The following LUZP2 variants were observed in gnomAD, a reference collection of about 807,000 sequenced individuals.
LUZP2 encodes leucine zipper protein 2.
A neutral mutation model predicts 51.6 loss-of-function variants in LUZP2; 52 were observed. That is an observed-to-expected ratio of 1.01 (90% CI 0.81 to 1.27). The LOEUF is 1.27. Among genes scored for constraint, LUZP2 ranks in the 50% most tolerant of loss-of-function variants. The pLI is 0.00. For synonymous variants in LUZP2, 154 were observed against 137.3 expected (o/e 1.12, Z -0.85); for missense variants, 436 against 395.4 (o/e 1.10, Z -0.87).
At chr11:25,020,933 AT>A (rs1345584586) in intron 9 of LUZP2, among the ~76,000 whole-genome samples, 4 of 152,024 alleles carry the variant, frequency 2.6e-5, no homozygotes, top group Non-Finnish European at 4.4e-5. Flanking sequence ...ATGAAGGGGC[AT>A]TCTGAGTACA....
At chr11:25,059,269 G>A (rs1022284872) in intron 10 of LUZP2, among the ~76,000 whole-genome samples, 6 of 152,122 alleles carry the variant, frequency 3.9e-5, no homozygotes, top group African/African-American at 1.2e-4. Flanking sequence ...CAAGATCAGC[G>A]ATACAAAGTA....
chr11:24,905,342 T>A (rs1023810604), intron 5 of LUZP2, among the ~76,000 whole-genome samples: 1 of 152,166 alleles, frequency 6.6e-6, no homozygotes, highest in African/African-American at 2.4e-5. Context: ...CTGGCCAACA[T>A]GGCGAAACCT....
intron 1 of LUZP2, among the ~76,000 whole-genome samples, chr11:24,685,120 A>T (rs779042619): frequency 6.6e-6 from 1 of 151,400 alleles, no homozygotes; most frequent in African/African-American, 2.4e-5. Context: ...TGGGTCACTA[A>T]TTGGCTGCCT....
chr11:24,926,375 G>A (rs1381944884), intron 7 of LUZP2, among the ~76,000 whole-genome samples: 2 of 43,586 alleles, frequency 4.6e-5, no homozygotes, highest in East Asian at 2.0e-3. Flanking sequence ...ATATATATAC[G>A]TGTGTATATA....
At chr11:24,860,381 A>G (rs945282840) in intron 5 of LUZP2, among the ~76,000 whole-genome samples, 1 of 152,162 alleles carries the variant, frequency 6.6e-6, no homozygotes, top group African/African-American at 2.4e-5. Context: ...GTTCTGAGGA[A>G]TCTGGGCAGC....
intron 1 of LUZP2, among the ~76,000 whole-genome samples, chr11:24,709,644 C>T (rs1169053578): frequency 6.6e-6 from 1 of 152,104 alleles, no homozygotes; most frequent in Non-Finnish European, 1.5e-5. Context: ...TGGATATAAA[C>T]TTTATTTGCT....
At chr11:25,032,901 C>A (rs1366166029) in intron 9 of LUZP2, among the ~76,000 whole-genome samples, 1 of 152,084 alleles carries the variant, frequency 6.6e-6, no homozygotes. Flanking sequence ...TGAGAAAAAT[C>A]CAAGATTTTG....
chr11:24,973,435 G>C (rs943329848), intron 7 of LUZP2, among the ~76,000 whole-genome samples: 1 of 134,024 alleles, frequency 7.5e-6, no homozygotes, highest in African/African-American at 2.7e-5. Context: ...TGTGTCTCTA[G>C]CTCCTTCAGT....
At chr11:24,688,012 T>G (rs1856947554) in intron 1 of LUZP2, among the ~76,000 whole-genome samples, 3 of 152,192 alleles carry the variant, frequency 2.0e-5, no homozygotes, top group East Asian at 1.9e-4. Flanking sequence ...TGGCTCTCTG[T>G]CTCTCTTTCT....
intron 9 of LUZP2, among the ~76,000 whole-genome samples, chr11:24,993,152 A>G (rs923738359): frequency 6.6e-6 from 1 of 152,130 alleles, no homozygotes; most frequent in Admixed American, 6.6e-5. Flanking sequence ...AGAATTTGGT[A>G]TTACCATTAT....
chr11:24,774,895 C>A, intron 5 of LUZP2, among the ~76,000 whole-genome samples: 1 of 148,492 alleles, frequency 6.7e-6, no homozygotes, highest in East Asian at 2.0e-4. Context: ...TTCTGTCCCT[C>A]TAGAGAATCG....
At chr11:24,722,104 A>G (rs1858293948) in intron 1 of LUZP2, among the ~76,000 whole-genome samples, 1 of 152,236 alleles carries the variant, frequency 6.6e-6, no homozygotes, top group African/African-American at 2.4e-5. Context: ...TAAAATGTGA[A>G]AAGTGAAATA....
At chr11:24,541,523 C>G (rs140050232) in intron 1 of LUZP2, among the ~76,000 whole-genome samples, 1 of 152,056 alleles carries the variant, frequency 6.6e-6, no homozygotes, top group African/African-American at 2.4e-5. Context: ...CACCTTTTAC[C>G]ATCTTCATTT....
At chr11:24,905,608 A>G (rs1445086476) in intron 5 of LUZP2, among the ~76,000 whole-genome samples, 1 of 152,182 alleles carries the variant, frequency 6.6e-6, no homozygotes. Flanking sequence ...TTGACAGAAC[A>G]TTTTGCCCAA....
intron 5 of LUZP2, among the ~76,000 whole-genome samples, chr11:24,872,427 T>G (rs1344245763): frequency 6.6e-6 from 1 of 152,178 alleles, no homozygotes; most frequent in Admixed American, 6.6e-5. Context: ...CTTTGTTCCC[T>G]GCCCTGGCTG....
chr11:24,797,183 T>G (rs2134107647), intron 5 of LUZP2, among the ~76,000 whole-genome samples: 1 of 152,302 alleles, frequency 6.6e-6, no homozygotes, highest in South Asian at 2.1e-4. Flanking sequence ...TGAATAACTG[T>G]TAGCCCTTAT....
intron 5 of LUZP2, among the ~76,000 whole-genome samples, chr11:24,766,148 C>T (rs964769035): frequency 1.3e-5 from 2 of 152,106 alleles, no homozygotes; most frequent in African/African-American, 2.4e-5. Context: ...CTGAATTGTA[C>T]TGTTATGACT....
chr11:24,710,287 C>T (rs955955684), intron 1 of LUZP2, among the ~76,000 whole-genome samples: 2 of 152,006 alleles, frequency 1.3e-5, no homozygotes, highest in African/African-American at 2.4e-5. Flanking sequence ...AGAGCTTTTC[C>T]CCCTTCTTTT....
intron 7 of LUZP2, among the ~76,000 whole-genome samples, chr11:24,925,221 T>A (rs1158544548): frequency 6.6e-6 from 1 of 152,154 alleles, no homozygotes; most frequent in Non-Finnish European, 1.5e-5. Flanking sequence ...ATTTTAGTGG[T>A]AAATGCTGGA....
Sources: gnomAD v4.1 joint callset for allele counts (sites outside exome capture counted in the v4.1 genomes callset) on GRCh38, gnomAD v4.1.1 for gene constraint, MANE v1.5 for transcripts, NCBI Gene and HGNC (gene_info 2026-07-23, HGNC 2026-07-21) for gene names.